BANK1: variants seen among roughly 807,000 people sequenced by gnomAD.
BANK1 encodes B cell scaffold protein with ankyrin repeats 1, also known as B-cell scaffold protein with ankyrin repeats.
In BANK1, 95 loss-of-function variants were observed where a neutral mutation model predicts 94.5. The ratio of observed to expected loss-of-function variants is 1.00; its 90% CI spans 0.85 to 1.19. The LOEUF (loss-of-function observed/expected upper bound fraction) is 1.19, where lower values mean the gene tolerates loss of function less well. BANK1 is among the 50% of genes most tolerant of loss of function. BANK1 has a pLI of 0.00. For synonymous variants in BANK1, 334 were observed against 308.4 expected (o/e 1.08, Z -0.87); for missense variants, 987 against 932.2 (o/e 1.06, Z -0.77).
chr4:102,035,444 T>A (rs935376575), intron 10 of BANK1, among the ~76,000 whole-genome samples: 3 of 151,788 alleles, frequency 2.0e-5, no homozygotes, highest in African/African-American at 7.2e-5. Context: ...GTCAGGAGAG[T>A]GAGACCATCC....
At chr4:101,893,134 CT>C (rs1378520360) in intron 5 of BANK1, among the ~76,000 whole-genome samples, 1 of 151,852 alleles carries the variant, frequency 6.6e-6, no homozygotes, top group Non-Finnish European at 1.5e-5. Context: ...ATGTGGTGAC[CT>C]TTTTTTCTCA....
chr4:101,882,488 A>G (rs979513764), intron 5 of BANK1, among the ~76,000 whole-genome samples: 1 of 152,176 alleles, frequency 6.6e-6, no homozygotes, highest in African/African-American at 2.4e-5. Flanking sequence ...ACCTTTAAGG[A>G]AATATTTGCT....
intron 5 of BANK1, among the ~76,000 whole-genome samples, chr4:101,878,353 C>T (rs13434472): frequency 6.6e-6 from 1 of 151,834 alleles, no homozygotes; most frequent in Admixed American, 6.6e-5. Flanking sequence ...CTATGAAAAG[C>T]GACAGAAAAG....
At chr4:101,956,193 T>G (rs1724330676) in intron 7 of BANK1, among the ~76,000 whole-genome samples, 1 of 152,136 alleles carries the variant, frequency 6.6e-6, no homozygotes, top group African/African-American at 2.4e-5. Context: ...CTTGACTATG[T>G]TTTTTGTCAC....
At position 102,069,504 on chromosome 4, in the gene BANK1, A is replaced by G. The variant is rs1395307; in HGVS notation, c.2213-1771A>G. 8.4e-3 allele frequency among the ~76,000 whole-genome samples: 1,275 copies of G among 152,356 alleles called. 26 individuals are homozygous for G. Among genetic ancestry groups the G allele is most frequent in the East Asian group, 0.066 (342 of 5,188 alleles). On this transcript the variant is annotated intron_variant, in intron 13 of 16. Coordinates refer to ENST00000322953, the MANE Select transcript of BANK1 (RefSeq NM_017935.5). ...GGATGTGGAACTGGATATGCATTGT[A>G]TGCATTGCTTATGGGAATATAAAGT...
At chr4:101,975,482 G>T (rs921653032) in intron 7 of BANK1, among the ~76,000 whole-genome samples, 5 of 152,138 alleles carry the variant, frequency 3.3e-5, no homozygotes, top group Non-Finnish European at 5.9e-5. Flanking sequence ...GAATGTGCAG[G>T]CAGACTTCTT....
intron 10 of BANK1, among the ~76,000 whole-genome samples, chr4:102,042,486 C>T (rs77859314): frequency 6.6e-6 from 1 of 152,086 alleles, no homozygotes; most frequent in East Asian, 1.9e-4. Flanking sequence ...GAAGGGAGTA[C>T]TCTTTGTCTT....
intron 4 of BANK1, among the ~76,000 whole-genome samples, chr4:101,869,238 CATTTAA>C (rs1031506420): frequency 4.6e-5 from 7 of 151,770 alleles, no homozygotes; most frequent in African/African-American, 1.7e-4. Flanking sequence ...CTTATCATAA[CATTTAA>C]ATTTAAATTT....
intron 5 of BANK1, among the ~76,000 whole-genome samples, chr4:101,886,776 G>T: frequency 1.3e-5 from 2 of 150,142 alleles, no homozygotes; most frequent in South Asian, 2.1e-4. Flanking sequence ...GGGGGGGCAT[G>T]TTGAAAAACT....
intron 1 of BANK1, among the ~76,000 whole-genome samples, chr4:101,792,992 TA>T (rs1322237860): frequency 2.0e-5 from 3 of 152,362 alleles, no homozygotes; most frequent in Admixed American, 6.5e-5. Context: ...CTAATGATTT[TA>T]AAAATTTAAT....
chr4:101,933,938 T>C (rs1723441900), intron 7 of BANK1, among the ~76,000 whole-genome samples: 1 of 151,418 alleles, frequency 6.6e-6, no homozygotes, highest in South Asian at 2.1e-4. Flanking sequence ...GTGATTTGAG[T>C]CTTTTCATCC....
At chr4:101,943,713 G>A (rs957460789) in intron 7 of BANK1, among the ~76,000 whole-genome samples, 1 of 151,736 alleles carries the variant, frequency 6.6e-6, no homozygotes, top group Non-Finnish European at 1.5e-5. Flanking sequence ...AGAGATAGTG[G>A]GAATGGAAGG....
At chr4:102,041,757 T>C (rs1328969095) in intron 10 of BANK1, among the ~76,000 whole-genome samples, 2 of 152,022 alleles carry the variant, frequency 1.3e-5, no homozygotes, top group African/African-American at 4.8e-5. Context: ...ATATAAGCCC[T>C]GGTGAAATCG....
chr4:102,013,640 G>GAAAT (rs1726592494), intron 7 of BANK1, among the ~76,000 whole-genome samples: 1 of 151,772 alleles, frequency 6.6e-6, no homozygotes, highest in Non-Finnish European at 1.5e-5. Context: ...GTGATTTCTC[G>GAAAT]CACCTGAAAA....
At chr4:101,988,944 T>C (rs559133743) in intron 7 of BANK1, among the ~76,000 whole-genome samples, 1 of 152,316 alleles carries the variant, frequency 6.6e-6, no homozygotes, top group East Asian at 1.9e-4. Flanking sequence ...CTCACCTAGC[T>C]TTACTGAAAG....
At chr4:101,855,421 C>T (rs558494197) in intron 3 of BANK1, among the ~76,000 whole-genome samples, 2 of 152,186 alleles carry the variant, frequency 1.3e-5, no homozygotes, top group Non-Finnish European at 1.5e-5. Context: ...CACAAGAATG[C>T]AAGCTCCAAC....
chr4:102,013,820 G>T (rs932916607), intron 7 of BANK1, among the ~76,000 whole-genome samples: 1 of 151,344 alleles, frequency 6.6e-6, no homozygotes, highest in Non-Finnish European at 1.5e-5. Flanking sequence ...ACACAATTTG[G>T]TCATATTAAA....
At chr4:102,010,909 C>T (rs1431014421) in intron 7 of BANK1, among the ~76,000 whole-genome samples, 2 of 151,978 alleles carry the variant, frequency 1.3e-5, no homozygotes, top group African/African-American at 4.8e-5. Context: ...AATATCTAAA[C>T]AGAATGTTAG....
intron 7 of BANK1, among the ~76,000 whole-genome samples, chr4:101,978,547 G>T (rs371194116): frequency 6.6e-6 from 1 of 151,844 alleles, no homozygotes; most frequent in African/African-American, 2.4e-5. Context: ...TTCTTAATAC[G>T]TACATTTAGC....
Sources: allele counts gnomAD v4.1 joint callset (sites outside exome capture counted in the v4.1 genomes callset), GRCh38; gene constraint gnomAD v4.1.1; transcripts MANE v1.5; gene names NCBI Gene and HGNC (gene_info 2026-07-23, HGNC 2026-07-21).